ESYT2: variants seen among roughly 807,000 people sequenced by gnomAD.
ESYT2 encodes the protein extended synaptotagmin 2, also known as extended synaptotagmin-2.
In ESYT2, 54 loss-of-function variants were observed where a neutral mutation model predicts 107.2. That is an observed-to-expected ratio of 0.50 (90% CI 0.40 to 0.63). ESYT2 has a LOEUF of 0.63. ESYT2 is among the 30% of genes least tolerant of loss of function. The pLI, the probability that ESYT2 is intolerant of heterozygous loss-of-function variation, is 0.00. For missense variants in ESYT2, 1,020 were observed against 1,094.5 expected, an observed-to-expected ratio of 0.93 and a Z score of 0.96; for synonymous variants, 491 against 434.1, an observed-to-expected ratio of 1.13 and a Z score of -1.63.
rs575628788 is a variant in ESYT2 at position 158,769,672 on chromosome 7, T to C, written c.804-1898A>G. Among the ~76,000 whole-genome samples, 18 of 152,288 alleles carry C rather than the reference T, an allele frequency of 1.2e-4. No homozygotes were observed. In the South Asian group the frequency reaches 3.5e-3, roughly 30 times the overall value. On this transcript the variant is annotated intron_variant, in intron 7 of 22. Transcript: ENST00000275418. ...GACGCTTATCAAAACATAACGGATA[T>C]TTAATCATAATTTTCACCCTTCTTA...
intron 7 of ESYT2, among the ~76,000 whole-genome samples, chr7:158,771,237 T>C (rs1012769281): frequency 2.0e-5 from 3 of 152,120 alleles, no homozygotes; most frequent in African/African-American, 7.2e-5. Flanking sequence ...GTTTACAGAG[T>C]AGATGTTCAA....
At position 158,829,433 on chromosome 7, in the gene ESYT2, G is replaced by C. The variant is rs1584897986; in HGVS notation, c.-15C>G. On this transcript the variant is annotated 5_prime_UTR_variant, in exon 1 of 23. Coordinates refer to ENST00000275418, the MANE Select transcript of ESYT2 (RefSeq NM_001367773.1). ...GCGCCGCTCATCGCCCCGCAGTGCC[G>C]CGCTGCCCTCCCGGCCGAGGCGGGC... 4 of 1,184,294 alleles carry C rather than the reference G, an allele frequency of 3.4e-6. No homozygotes were observed. The African/African-American group carries it at 4.8e-5, about 14-fold the overall frequency. The allele number at this position is 1,184,294 out of a possible 1,614,324, so 73.4% of individuals were successfully genotyped here.
intron 1 of ESYT2, among the ~76,000 whole-genome samples, chr7:158,814,332 TA>T: frequency 1.7e-4 from 1 of 5,750 alleles, no homozygotes; most frequent in Non-Finnish European, 6.1e-4. Context: ...TATATATATA[TA>T]TATATATATA....
chr7:158,798,839 G>A (rs1839550519), intron 2 of ESYT2, among the ~76,000 whole-genome samples, 192 bp downstream of exon 2: 1 of 152,114 alleles, frequency 6.6e-6, no homozygotes, highest in Admixed American at 6.6e-5. Context: ...TCAAGTCAAA[G>A]AGACAGTTCT....
chr7:158,788,422 C>CA lies in ESYT2; in HGVS notation c.585-6dup. On this transcript the variant is annotated splice_region_variant and splice_polypyrimidine_tract_variant and intron_variant, in intron 4 of 22. Coordinates refer to ENST00000275418, the MANE Select transcript of ESYT2 (RefSeq NM_001367773.1). Reference sequence around the variant, plus strand: ...ATCTCACAATTTCCTACAAAACTAACAAAAAATTCTGCATTACATGATGTA... The same window carrying CA: ...ATCTCACAATTTCCTACAAAACTAACAAAAAAATTCTGCATTACATGATGTA... 2 of 1,607,450 alleles carry CA rather than the reference C, an allele frequency of 1.2e-6. No homozygotes were observed. The highest frequency in any genetic ancestry group is 2.2e-5 in the East Asian group (1 of 44,780).
chr7:158,769,055 A>C (rs183990444), intron 7 of ESYT2, among the ~76,000 whole-genome samples: 27 of 151,872 alleles, frequency 1.8e-4, no homozygotes, highest in Admixed American at 1.5e-3. Context: ...TAGATGCTAA[A>C]ATTATTAACA....
rs150619428 is a variant in ESYT2, at chr7:158,816,262, G to A, written c.330+12827C>T. Among the ~76,000 whole-genome samples, 95 of 152,238 alleles carry A rather than the reference G, an allele frequency of 6.2e-4. 1 individual carries two copies. In the East Asian group the frequency reaches 0.018, roughly 29 times the overall value. On this transcript the variant is annotated intron_variant, in intron 1 of 22. Coordinates refer to ENST00000275418, the MANE Select transcript of ESYT2 (RefSeq NM_001367773.1). ...ATACTCGAGAGGCTGAAGTGGAAGGGTTGCTTGAGTCCAGGAGGTCGAGAC... is the reference window on the plus strand; with the variant it reads ...ATACTCGAGAGGCTGAAGTGGAAGGATTGCTTGAGTCCAGGAGGTCGAGAC...
At chr7:158,781,087 ATG>A (rs1171102278) in intron 6 of ESYT2, among the ~76,000 whole-genome samples, 1 of 152,254 alleles carries the variant, frequency 6.6e-6, no homozygotes, top group Admixed American at 6.5e-5. Flanking sequence ...GTGAGAACAA[ATG>A]TGAGACACAA....
intron 1 of ESYT2, among the ~76,000 whole-genome samples, chr7:158,826,787 C>G (rs1488921003): frequency 7.2e-6 from 1 of 139,448 alleles, no homozygotes; most frequent in Admixed American, 7.5e-5. Flanking sequence ...TGCCACTGCA[C>G]TTCAGCCTGG....
chr7:158,795,632 C>A (rs1005436282), intron 3 of ESYT2, among the ~76,000 whole-genome samples: 1 of 145,538 alleles, frequency 6.9e-6, no homozygotes, highest in Non-Finnish European at 1.5e-5. Flanking sequence ...ACAGACAGAG[C>A]ATGCAGCCCC....
chr7:158,824,933 C>T (rs1840395104), intron 1 of ESYT2, among the ~76,000 whole-genome samples: 1 of 152,206 alleles, frequency 6.6e-6, no homozygotes, highest in Non-Finnish European at 1.5e-5. Context: ...AGGTGGTTCG[C>T]TTGAGCCCAA....
intron 18 of ESYT2, among the ~76,000 whole-genome samples, chr7:158,740,538 C>T (rs1376388925): frequency 8.1e-6 from 1 of 123,532 alleles, no homozygotes; most frequent in African/African-American, 3.1e-5. Context: ...TCTGATGAGA[C>T]TGCAGCGCCC....
At chr7:158,787,920 G>A in intron 6 of ESYT2, 84 bp downstream of exon 6, 1 of 1,101,784 alleles carries the variant, frequency 9.1e-7, no homozygotes, top group Non-Finnish European at 1.4e-6. Context: ...ATAAAATTTT[G>A]TTTCTCCACT....
Position 158,732,882 on chromosome 7 carries a change from C to G in ESYT2, c.*1325G>C, listed in dbSNP as rs910255872. ...CTTATAATATACACTTAATCGTCTACATATGTGCATTCTTTCTTTACAGAC... is the reference window on the plus strand; with the variant it reads ...CTTATAATATACACTTAATCGTCTAGATATGTGCATTCTTTCTTTACAGAC... On this transcript the variant is annotated 3_prime_UTR_variant, in exon 23 of 23. Transcript: ENST00000275418. 6.6e-6 allele frequency: 1 copy of G among 152,258 alleles called. No homozygotes were observed. Among genetic ancestry groups the G allele is most frequent in the Non-Finnish European group, 1.5e-5 (1 of 68,052 alleles). The allele number at this position is 152,258 out of a possible 1,614,324, so 9.4% of individuals were successfully genotyped here.
intron 4 of ESYT2, among the ~76,000 whole-genome samples, chr7:158,788,905 A>T (rs1839194039): frequency 6.6e-6 from 1 of 152,242 alleles, no homozygotes; most frequent in Non-Finnish European, 1.5e-5. Flanking sequence ...ATAACATCAA[A>T]GACTAGAAAC....
At chr7:158,783,910 G>A (rs1839015863) in intron 6 of ESYT2, among the ~76,000 whole-genome samples, 1 of 152,230 alleles carries the variant, frequency 6.6e-6, no homozygotes, top group South Asian at 2.1e-4. Flanking sequence ...AAGCCATGGG[G>A]GAGGGAAGCA....
chr7:158,806,206 C>T (rs1436929213), intron 1 of ESYT2, among the ~76,000 whole-genome samples: 1 of 151,478 alleles, frequency 6.6e-6, no homozygotes, highest in Non-Finnish European at 1.5e-5. Context: ...GGCTTCCTCA[C>T]TGTTTGCAAC....
intron 18 of ESYT2, among the ~76,000 whole-genome samples, chr7:158,739,582 A>G (rs2129471239): frequency 6.6e-6 from 1 of 152,296 alleles, no homozygotes; most frequent in South Asian, 2.1e-4. Flanking sequence ...TCCTGACCTC[A>G]GGTGATCCAC....
intron 14 of ESYT2, among the ~76,000 whole-genome samples, chr7:158,751,924 G>A (rs1254277384): frequency 6.6e-6 from 1 of 152,198 alleles, no homozygotes; most frequent in Non-Finnish European, 1.5e-5. Flanking sequence ...CTCCACAGGA[G>A]TAACCCCTAG....
Sources: allele counts gnomAD v4.1 joint callset (sites outside exome capture counted in the v4.1 genomes callset), GRCh38; gene constraint gnomAD v4.1.1; transcripts MANE v1.5; gene names NCBI Gene and HGNC (gene_info 2026-07-23, HGNC 2026-07-21).